PTPN20: variants seen among roughly 807,000 people sequenced by gnomAD.
PTPN20 encodes the protein tyrosine-protein phosphatase non-receptor type 20.
In PTPN20, 9 loss-of-function variants were observed where a neutral mutation model predicts 35.0. The observed-to-expected ratio is 0.26, with a 90% CI of 0.15 to 0.45. The LOEUF (loss-of-function observed/expected upper bound fraction) is 0.45, where lower values mean the gene tolerates loss of function less well. PTPN20 is among the 20% of genes least tolerant of loss of function. The pLI, the probability that PTPN20 is intolerant of heterozygous loss-of-function variation, is 1.00. For synonymous variants in PTPN20, 32 were observed against 100.2 expected (o/e 0.32, Z 4.06); for missense variants, 111 against 312.5 (o/e 0.36, Z 4.86).
At chr10:46,941,048 G>C (rs1292053489) in intron 3 of PTPN20, among the ~76,000 whole-genome samples, 5 of 151,424 alleles carry the variant, frequency 3.3e-5, no homozygotes, top group African/African-American at 1.2e-4. Context: ...GAGACAGCAT[G>C]ATTGGGTGTC....
intron 10 of PTPN20, 54 bp from the exon 11 acceptor site, chr10:47,000,622 A>G: frequency 6.3e-7 from 1 of 1,598,450 alleles, no homozygotes. Flanking sequence ...CTGAAAGTGG[A>G]TTCTGTTATT....
chr10:46,997,617 T>TAA (rs782678312), intron 9 of PTPN20, among the ~76,000 whole-genome samples: 1 of 115,048 alleles, frequency 8.7e-6, no homozygotes, highest in Non-Finnish European at 1.9e-5. Context: ...ATGAAGAGGA[T>TAA]AAAAAAAAAA....
At chr10:46,918,990 T>C (rs1555105572) in intron 1 of PTPN20, among the ~76,000 whole-genome samples, 1 of 143,314 alleles carries the variant, frequency 7.0e-6, no homozygotes, top group East Asian at 2.0e-4. Context: ...GGAAGCTATG[T>C]TGTTGGATAC....
At chr10:46,977,179 A>G (rs1287397743) in intron 7 of PTPN20, among the ~76,000 whole-genome samples, 170 of 152,152 alleles carry the variant, frequency 1.1e-3, no homozygotes, top group African/African-American at 3.9e-3. Context: ...AAATTTCCAG[A>G]GGAAGAAGGA....
intron 1 of PTPN20, among the ~76,000 whole-genome samples, chr10:46,930,035 T>C (rs1248396921): frequency 7.0e-6 from 1 of 143,228 alleles, no homozygotes; most frequent in Non-Finnish European, 1.5e-5. Flanking sequence ...AAGGGAAATT[T>C]ATCCAGTTTA....
chr10:46,923,568 A>T lies in PTPN20; in HGVS notation c.-123-8809A>T, dbSNP rs536538985. Reference sequence around the variant, plus strand: ...ATGGATACTGTATTCTGTTCCATTGATCTATTTGTCTATTCTTTCAACAGT... The same window carrying T: ...ATGGATACTGTATTCTGTTCCATTGTTCTATTTGTCTATTCTTTCAACAGT... On this transcript the variant is annotated intron_variant, in intron 1 of 10. Coordinates refer to ENST00000374339, the MANE Select transcript of PTPN20 (RefSeq NM_001042357.5). Among the ~76,000 whole-genome samples the T allele has an allele frequency of 3.5e-3, 522 of 151,190 alleles. 18 individuals are homozygous for T. The highest frequency in any genetic ancestry group is 0.012 in the African/African-American group (490 of 40,636).
rs1555185997 is a variant in PTPN20 at position 47,001,824 on chromosome 10, A to G, written c.*1083A>G. The G allele has an allele frequency of 6.6e-6, 1 of 152,170 alleles. No individual in the cohort carries two copies. 9.4% of individuals were successfully genotyped at this position (152,170 alleles called of 1,614,324 possible). A position where few individuals can be genotyped will look rare whatever the true frequency, so the allele number is the denominator to read the frequency against. ...TTTGAAAAGATGTGGCCATTATTAC[A>G]GTAATTTTATTATAGGACTTTGCCT... On this transcript the variant is annotated 3_prime_UTR_variant, in exon 11 of 11. Coordinates refer to ENST00000374339, the MANE Select transcript of PTPN20 (RefSeq NM_001042357.5).
At chr10:47,000,067 A>G in intron 10 of PTPN20, 93 bp downstream of exon 10, 2 of 1,544,900 alleles carry the variant, frequency 1.3e-6, no homozygotes, top group Non-Finnish European at 1.8e-6. Flanking sequence ...TTTTATTGAC[A>G]TAATCTCATT....
chr10:46,935,757 GTGA>G (rs2041391639), intron 2 of PTPN20, among the ~76,000 whole-genome samples: 1 of 152,080 alleles, frequency 6.6e-6, no homozygotes, highest in Non-Finnish European at 1.5e-5. Flanking sequence ...GAAAAGTTCT[GTGA>G]TGAACATACA....
intron 4 of PTPN20, among the ~76,000 whole-genome samples, chr10:46,945,378 A>G (rs1345393720): frequency 6.6e-6 from 1 of 152,172 alleles, no homozygotes; most frequent in Non-Finnish European, 1.5e-5. Flanking sequence ...AAATGTTTAC[A>G]GTAATCCAAG....
intron 5 of PTPN20, among the ~76,000 whole-genome samples, chr10:46,958,896 C>G (rs1460186077): frequency 2.0e-5 from 3 of 151,812 alleles, no homozygotes; most frequent in Admixed American, 2.0e-4. Context: ...TGAGAAGATA[C>G]TCTTTGTGAT....
intron 1 of PTPN20, among the ~76,000 whole-genome samples, chr10:46,929,450 C>A (rs1297522153): frequency 6.6e-6 from 1 of 151,702 alleles, no homozygotes; most frequent in East Asian, 1.9e-4. Context: ...CTTTCACAAT[C>A]TTTCCCTAAG....
intron 7 of PTPN20, among the ~76,000 whole-genome samples, chr10:46,983,358 A>G (rs1179123433): frequency 6.6e-6 from 1 of 150,914 alleles, no homozygotes; most frequent in African/African-American, 2.4e-5. Flanking sequence ...CAGCATATTT[A>G]CTAGATAAGT....
Position 47,001,164 on chromosome 10 carries a change from C to T in PTPN20, c.*423C>T, listed in dbSNP as rs1294572379. ...AACATAAGGCCAATAATCATGACCTCTTCCAGGCATTTTTAAGACAGATGT... is the reference window on the plus strand; with the variant it reads ...AACATAAGGCCAATAATCATGACCTTTTCCAGGCATTTTTAAGACAGATGT... On this transcript the variant is annotated 3_prime_UTR_variant, in exon 11 of 11. Transcript: ENST00000374339. The T allele has an allele frequency of 1.9e-5, 4 of 211,420 alleles. No homozygotes were observed. The highest frequency in any genetic ancestry group is 3.8e-5 in the Non-Finnish European group (4 of 105,116). 13.1% of individuals were successfully genotyped at this position (211,420 alleles called of 1,614,324 possible).
chr10:46,996,104 AT>A, intron 9 of PTPN20, among the ~76,000 whole-genome samples: 1 of 152,234 alleles, frequency 6.6e-6, no homozygotes, highest in Non-Finnish European at 1.5e-5. Flanking sequence ...TGAATTAATT[AT>A]TTTTTATGTA....
chr10:46,999,257 C>T (rs1285620699), intron 9 of PTPN20, among the ~76,000 whole-genome samples: 3 of 152,172 alleles, frequency 2.0e-5, no homozygotes, highest in East Asian at 1.9e-4. Flanking sequence ...TGAAACGACT[C>T]ATTCTCAGCT....
chr10:46,935,684 C>T (rs2041362252), intron 2 of PTPN20, among the ~76,000 whole-genome samples: 1 of 148,574 alleles, frequency 6.7e-6, no homozygotes, highest in Admixed American at 6.7e-5. Flanking sequence ...TTTTGCACCA[C>T]ATTTTCTTTA....
At chr10:46,921,732 ATGTTAAACAAG>A (rs1197255465) in intron 1 of PTPN20, among the ~76,000 whole-genome samples, 1 of 110,822 alleles carries the variant, frequency 9.0e-6, no homozygotes, top group Non-Finnish European at 1.8e-5. Context: ...ATCTTTGCAA[ATGTTAAACAAG>A]TTAAGCTGAG....
intron 5 of PTPN20, among the ~76,000 whole-genome samples, chr10:46,964,563 A>G (rs1373185327): frequency 6.7e-6 from 1 of 149,136 alleles, no homozygotes; most frequent in African/African-American, 2.4e-5. Context: ...ATGAAACAGG[A>G]CGTGAACTCT....
Sources: gnomAD v4.1 joint callset for allele counts (sites outside exome capture counted in the v4.1 genomes callset) on GRCh38, gnomAD v4.1.1 for gene constraint, MANE v1.5 for transcripts, NCBI Gene and HGNC (gene_info 2026-07-23, HGNC 2026-07-21) for gene names.